The following TTC23 variants were observed in gnomAD, a reference collection of about 807,000 sequenced individuals.
TTC23 encodes the protein tetratricopeptide repeat domain 23.
TTC23 carries 58 observed loss-of-function variants against 55.1 expected under a neutral mutation model. The ratio of observed to expected loss-of-function variants is 1.05; its 90% CI spans 0.85 to 1.31. The LOEUF (loss-of-function observed/expected upper bound fraction) is 1.31. TTC23 is among the 50% of genes most tolerant of loss of function. The pLI, the probability that TTC23 is intolerant of heterozygous loss-of-function variation, is 0.00. For synonymous variants in TTC23, 203 were observed against 199.9 expected (o/e 1.02, Z -0.13); for missense variants, 516 against 534.4 (o/e 0.97, Z 0.34).
chr15:99,187,470 AAAAC>A lies in TTC23; in HGVS notation c.760-12319_760-12316del, dbSNP rs1228982766. Among the ~76,000 whole-genome samples, 28 of 144,184 alleles carry A rather than the reference AAAAC, an allele frequency of 1.9e-4. 2 individuals are homozygous for A. The highest frequency in any genetic ancestry group is 6.4e-4 in the South Asian group (3 of 4,688). The allele number at this position is 144,184 out of a possible 152,430, so 94.6% of individuals were successfully genotyped here. On this transcript the variant is annotated intron_variant, in intron 9 of 13. Coordinates refer to ENST00000394132, the MANE Select transcript of TTC23 (RefSeq NM_001288615.3). ...GCACAAGCAAAAAAAAAAAAAAAACAAAACAAAAGAAACCCAACATAGACAAGTT... is the reference window on the plus strand; with the variant it reads ...GCACAAGCAAAAAAAAAAAAAAAACAAAAAGAAACCCAACATAGACAAGTT...
intron 6 of TTC23, among the ~76,000 whole-genome samples, chr15:99,219,808 C>A (rs912955103): frequency 2.6e-5 from 4 of 152,178 alleles, no homozygotes; most frequent in African/African-American, 9.7e-5. Flanking sequence ...CACATACACA[C>A]AGCCCCCATC....
At chr15:99,238,885 CT>C (rs71287827) in intron 3 of TTC23, among the ~76,000 whole-genome samples, 1 of 152,150 alleles carries the variant, frequency 6.6e-6, no homozygotes, top group Non-Finnish European at 1.5e-5. Context: ...CTTTTCCAGT[CT>C]TTTTTTGACC....
chr15:99,242,334 T>C lies in TTC23; in HGVS notation c.-308-775A>G, dbSNP rs760582419. 3.3e-5 allele frequency among the ~76,000 whole-genome samples: 5 copies of C among 151,776 alleles called. No individual in the cohort carries two copies. The South Asian group carries it at 6.2e-4, about 19-fold the overall frequency. The stretch of plus-strand genomic sequence containing the variant: ...AAAATCTGAATAGATCTATAACAAG[T>C]AAAAAAATTAAATTAGTAATTAAAA... On this transcript the variant is annotated intron_variant, in intron 2 of 13. Transcript: ENST00000394132.
At chr15:99,186,279 C>T (rs1054884507) in intron 9 of TTC23, among the ~76,000 whole-genome samples, 9 of 152,094 alleles carry the variant, frequency 5.9e-5, no homozygotes, top group Non-Finnish European at 1.3e-4. Flanking sequence ...AATGACTTGC[C>T]TACAATCAAA....
intron 8 of TTC23, among the ~76,000 whole-genome samples, chr15:99,213,003 AAAAGG>A (rs1449351305): frequency 1.5e-5 from 2 of 131,578 alleles, no homozygotes; most frequent in Non-Finnish European, 1.7e-5. Flanking sequence ...AAAAAAAAAA[AAAAGG>A]GGGGGACATA....
In TTC23 at chr15:99,139,302, G is replaced by A. The variant is rs565428092; in HGVS notation, c.1226+15C>T. 6.2e-7 allele frequency: 1 copy of A among 1,609,854 alleles called. No individual in the cohort carries two copies. Among genetic ancestry groups the A allele is most frequent in the South Asian group, 1.1e-5 (1 of 91,012 alleles). Reference sequence around the variant, plus strand: ...AGGGAATGAGATAGAGAAAGTGTGAGGGACGCCAACTCACGTGGACAGCAT... The same window carrying A: ...AGGGAATGAGATAGAGAAAGTGTGAAGGACGCCAACTCACGTGGACAGCAT... On this transcript the variant is annotated intron_variant, in intron 13 of 13. Coordinates refer to ENST00000394132, the MANE Select transcript of TTC23 (RefSeq NM_001288615.3).
Position 99,228,586 on chromosome 15 carries a change from C to G in TTC23, c.127G>C (p.Glu43Gln). 2 of 1,613,876 alleles carry G rather than the reference C, an allele frequency of 1.2e-6. No individual in the cohort carries two copies. Among genetic ancestry groups the G allele is most frequent in the Non-Finnish European group, 8.5e-7 (1 of 1,179,868 alleles). The part of the protein sequence containing the change: ...LQTALFQPPR[E>Q]KLHLCEEKAK... ...TTCTCTTCACAGAGGTGGAGTTTCT[C>G]TCGAGGAGGCTGGAATAGTGCTGTC... is the stretch of plus-strand genomic sequence containing the variant. Residue 43 changes from glutamate to glutamine, a missense_variant, in exon 5 of 14, where the codon GAG (glutamate) becomes CAG (glutamine). Glu to Gln is a conservative substitution (Grantham distance 29). Transcript: ENST00000394132.
intron 9 of TTC23, among the ~76,000 whole-genome samples, chr15:99,196,804 C>T (rs1051085579): frequency 6.6e-6 from 1 of 152,146 alleles, no homozygotes; most frequent in African/African-American, 2.4e-5. Context: ...TGCCAATCTC[C>T]CTGCCTGAAA....
intron 9 of TTC23, among the ~76,000 whole-genome samples, chr15:99,179,197 C>G (rs2073887948): frequency 6.6e-6 from 1 of 152,224 alleles, no homozygotes; most frequent in Non-Finnish European, 1.5e-5. Flanking sequence ...TTCCTCCTTA[C>G]TCTCAGGTGC....
At chr15:99,183,024 T>G (rs181428934) in intron 9 of TTC23, among the ~76,000 whole-genome samples, 1 of 152,140 alleles carries the variant, frequency 6.6e-6, no homozygotes, top group African/African-American at 2.4e-5. Flanking sequence ...AACTGGGTAA[T>G]GGGCAGAGGT....
intron 10 of TTC23, among the ~76,000 whole-genome samples, chr15:99,172,360 G>C (rs1343893512): frequency 6.6e-6 from 1 of 152,140 alleles, no homozygotes; most frequent in Non-Finnish European, 1.5e-5. Flanking sequence ...AGCTGCTGCA[G>C]GTTGGAGCTG....
In TTC23 at chr15:99,156,277, T is replaced by C. The variant is rs2070550055; in HGVS notation, c.1014A>G (p.Arg338=). 1.9e-6 allele frequency: 3 copies of C among 1,614,098 alleles called. No homozygotes were observed. The highest frequency in any genetic ancestry group is 2.5e-6 in the Non-Finnish European group (3 of 1,180,048). ...GQKERATSIL[R]ESLEAKVEAF... is the part of the protein sequence containing the mutation. ...CTTCCACTTTGGCTTCCAGGGACTCTCTCAGGATCGAGGTTGCTCTCTGTG... is the reference window on the plus strand; with the variant it reads ...CTTCCACTTTGGCTTCCAGGGACTCCCTCAGGATCGAGGTTGCTCTCTGTG... Residue 338 remains arginine, a synonymous_variant, in exon 12 of 14, where the codon AGA becomes AGG. Coordinates refer to ENST00000394132, the MANE Select transcript of TTC23 (RefSeq NM_001288615.3).
chr15:99,195,458 A>C (rs2075615422), intron 9 of TTC23, among the ~76,000 whole-genome samples: 1 of 152,194 alleles, frequency 6.6e-6, no homozygotes, highest in Non-Finnish European at 1.5e-5. Context: ...ATGGATATGA[A>C]GGATATGGAG....
chr15:99,187,925 T>G (rs2074873048), intron 9 of TTC23, among the ~76,000 whole-genome samples: 1 of 152,042 alleles, frequency 6.6e-6, no homozygotes. Context: ...CTTTGGAAAA[T>G]AGCATAGTAG....
At chr15:99,212,046 G>A (rs191283967) in intron 8 of TTC23, among the ~76,000 whole-genome samples, 1 of 152,256 alleles carries the variant, frequency 6.6e-6, no homozygotes, top group East Asian at 1.9e-4. Flanking sequence ...TACTTGGGAG[G>A]CGTCTTGTTG....
At chr15:99,208,857 T>C (rs902262386) in intron 8 of TTC23, among the ~76,000 whole-genome samples, 40 of 152,234 alleles carry the variant, frequency 2.6e-4, no homozygotes, top group Non-Finnish European at 7.3e-5. Context: ...TCCATTTTCT[T>C]ATGTGTAATG....
intron 5 of TTC23, 41 bp downstream of exon 5, chr15:99,228,492 C>T (rs1466886879): frequency 6.5e-7 from 1 of 1,533,504 alleles, no homozygotes; most frequent in Non-Finnish European, 8.8e-7. Flanking sequence ...CCATATAGCT[C>T]AATTCTCAGA....
intron 3 of TTC23, among the ~76,000 whole-genome samples, chr15:99,239,579 C>T (rs977102413): frequency 5.9e-5 from 9 of 152,100 alleles, no homozygotes; most frequent in African/African-American, 2.2e-4. Context: ...AAAGCTTTGC[C>T]TACACCCTGT....
chr15:99,151,201 C>T (rs2069688433), intron 12 of TTC23: 1 of 152,310 alleles, frequency 6.6e-6, no homozygotes, highest in East Asian at 1.9e-4. Flanking sequence ...CAACCCTGTC[C>T]CAGGTCTTCT....
Sources: allele counts gnomAD v4.1 joint callset (sites outside exome capture counted in the v4.1 genomes callset), GRCh38; gene constraint gnomAD v4.1.1; transcripts MANE v1.5; gene names NCBI Gene and HGNC (gene_info 2026-07-23, HGNC 2026-07-21).